Variants in LRP8 observed in about 807,000 individuals in gnomAD.
LRP8 encodes the protein low-density lipoprotein receptor-related protein 8.
LRP8 carries 46 observed loss-of-function variants against 111.6 expected under a neutral mutation model. That is an observed-to-expected ratio of 0.41 (90% CI 0.33 to 0.53). The LOEUF (loss-of-function observed/expected upper bound fraction) is 0.53, where lower values mean the gene tolerates loss of function less well. LRP8 is among the 20% of genes least tolerant of loss of function. The pLI is 0.20. For missense variants in LRP8, 959 were observed against 1,297.4 expected (o/e 0.74, Z 4.01); for synonymous variants, 464 against 511.2 (o/e 0.91, Z 1.24).
At chr1:53,259,790 A>G (rs1382915277) in intron 13 of LRP8, among the ~76,000 whole-genome samples, 11 of 152,118 alleles carry the variant, frequency 7.2e-5, no homozygotes. Flanking sequence ...CAAAGCCCAT[A>G]AGCCCGCGGT....
chr1:53,296,103 C>G (rs908846584), intron 2 of LRP8, among the ~76,000 whole-genome samples: 1 of 152,188 alleles, frequency 6.6e-6, no homozygotes, highest in African/African-American at 2.4e-5. Context: ...TAGAGAAAGG[C>G]CCTGGAAAGA....
At chr1:53,296,190 C>T (rs1311504519) in intron 2 of LRP8, among the ~76,000 whole-genome samples, 1 of 152,194 alleles carries the variant, frequency 6.6e-6, no homozygotes, top group African/African-American at 2.4e-5. Flanking sequence ...TGACTGATCT[C>T]TGGTTTCTGT....
chr1:53,261,009 C>T (rs1376230472), intron 12 of LRP8, among the ~76,000 whole-genome samples: 1 of 152,152 alleles, frequency 6.6e-6, no homozygotes, highest in Non-Finnish European at 1.5e-5. Flanking sequence ...GGTATCCACA[C>T]GAGTCCACAT....
chr1:53,314,820 C>T (rs995311719), intron 2 of LRP8, among the ~76,000 whole-genome samples: 1 of 152,230 alleles, frequency 6.6e-6, no homozygotes, highest in African/African-American at 2.4e-5. Context: ...ATTCACTCAA[C>T]ACCTTCACCA....
rs545178154 is a variant in LRP8 at position 53,243,970 on chromosome 1, G to A, written c.*3048C>T. On this transcript the variant is annotated 3_prime_UTR_variant, in exon 19 of 19. Coordinates refer to ENST00000306052, the MANE Select transcript of LRP8 (RefSeq NM_004631.5). ...GTGCCAGGTGTGTAGTTGGTATCTA[G>A]TGAGTGGTTTTAGTGAATGAATATA... 6.6e-6 allele frequency: 1 copy of A among 152,318 alleles called. No individual in the cohort carries two copies. The allele number at this position is 152,318 out of a possible 1,614,324, so 9.4% of individuals were successfully genotyped here. A position where few individuals can be genotyped will look rare whatever the true frequency, so the allele number is the denominator to read the frequency against.
chr1:53,286,097 A>G (rs1004085135), intron 3 of LRP8, among the ~76,000 whole-genome samples: 7 of 152,352 alleles, frequency 4.6e-5, no homozygotes, highest in African/African-American at 1.2e-4. Context: ...ACGCATCTAC[A>G]GTGTCAACCC....
At position 53,276,732 on chromosome 1, in the gene LRP8, G is replaced by A; in HGVS notation, c.843C>T (p.Gly281=). The change falls in exon 5 of 19, where the codon GGC becomes GGT. Residue 281 remains glycine (G), a synonymous_variant. Coordinates refer to ENST00000306052, the MANE Select transcript of LRP8 (RefSeq NM_004631.5). ...ECVHLGWRCD[G]DRDCKDKSDE... ...CCGATTTGTCTTTGCAGTCGCGGTC[G>A]CCGTCGCAGCGCCAGCCCAGGTGCA... The A allele has an allele frequency of 2.0e-6, 3 of 1,518,876 alleles. No homozygotes were observed. Among genetic ancestry groups the A allele is most frequent in the Admixed American group, 1.9e-5 (1 of 52,214 alleles). 94.1% of individuals were successfully genotyped at this position (1,518,876 alleles called of 1,614,324 possible). A position where few individuals can be genotyped will look rare whatever the true frequency, so the allele number is the denominator to read the frequency against.
intron 10 of LRP8, among the ~76,000 whole-genome samples, chr1:53,263,126 G>T (rs192832373): frequency 6.6e-6 from 1 of 152,322 alleles, no homozygotes; most frequent in Admixed American, 6.5e-5. Flanking sequence ...GTGGATTGGG[G>T]TTGGGCTGGG....
At chr1:53,284,637 G>T (rs1368585009) in intron 3 of LRP8, among the ~76,000 whole-genome samples, 2 of 152,230 alleles carry the variant, frequency 1.3e-5, no homozygotes, top group African/African-American at 4.8e-5. Context: ...TATTTATATA[G>T]TTAATTGCAT....
chr1:53,294,821 T>C lies in LRP8; in HGVS notation c.245-5132A>G, dbSNP rs1557823739. Reference sequence around the variant, plus strand: ...CTTCCCCCGCCTCCAGAGACATCCTTCCCTGAGACAGTATACATCCTTCCC... The same window carrying C: ...CTTCCCCCGCCTCCAGAGACATCCTCCCCTGAGACAGTATACATCCTTCCC... On this transcript the variant is annotated intron_variant, in intron 2 of 18. Transcript: ENST00000306052. The surrounding 1 kb of genome is among the most constrained non-coding windows in gnomAD (Gnocchi z 4.1). 6.6e-6 allele frequency among the ~76,000 whole-genome samples: 1 copy of C among 151,900 alleles called. No individual in the cohort carries two copies. Among genetic ancestry groups the C allele is most frequent in the Non-Finnish European group, 1.5e-5 (1 of 68,020 alleles).
intron 3 of LRP8, among the ~76,000 whole-genome samples, chr1:53,282,250 A>G (rs1013222470): frequency 6.6e-6 from 1 of 152,148 alleles, no homozygotes; most frequent in African/African-American, 2.4e-5. Flanking sequence ...GAGGTCCCCA[A>G]CGTTATCCCT....
Position 53,266,400 on chromosome 1 carries a change from C to T in LRP8, c.1427+73G>A. 2 of 1,515,434 alleles carry T rather than the reference C, an allele frequency of 1.3e-6. No homozygotes were observed. The highest frequency in any genetic ancestry group is 1.7e-5 in the Admixed American group (1 of 58,400). The allele number at this position is 1,515,434 out of a possible 1,614,324, so 93.9% of individuals were successfully genotyped here. A position where few individuals can be genotyped will look rare whatever the true frequency, so the allele number is the denominator to read the frequency against. ...AGGAGCTCTAGAGGCAGACACCACT[C>T]CTCCCCTCCTCACCTGTCACCACCC... On this transcript the variant is annotated intron_variant, in intron 9 of 18. Coordinates refer to ENST00000306052, the MANE Select transcript of LRP8 (RefSeq NM_004631.5). This position sits in a 1 kb window ranked among gnomAD's most constrained non-coding sequence, Gnocchi z 5.0.
At chr1:53,316,294 G>A (rs144976361) in intron 2 of LRP8, among the ~76,000 whole-genome samples, 1 of 152,156 alleles carries the variant, frequency 6.6e-6, no homozygotes, top group Non-Finnish European at 1.5e-5. Flanking sequence ...CCCTACAGTA[G>A]GCAGTAGAGG....
chr1:53,251,049 C>G (rs1350300378), intron 16 of LRP8, among the ~76,000 whole-genome samples, 187 bp from the exon 17 acceptor site: 1 of 152,144 alleles, frequency 6.6e-6, no homozygotes, highest in Non-Finnish European at 1.5e-5. Context: ...ACTATTCATC[C>G]TTCAAGATCC....
rs961748440 is a variant in LRP8, at chr1:53,250,566, G to A, written c.2676+124C>T. 4 of 776,132 alleles carry A rather than the reference G, an allele frequency of 5.2e-6. No individual in the cohort carries two copies. In the African/African-American group the frequency reaches 5.2e-5, roughly 10 times the overall value. The allele number at this position is 776,132 out of a possible 1,614,324, so 48.1% of individuals were successfully genotyped here. ...GGGAAGGACGGAAGGAAAGGAGGGA[G>A]GGAAGGACGGAAGGAAGGAAGGGAG... is the stretch of plus-strand genomic sequence containing the variant. On this transcript the variant is annotated intron_variant, in intron 17 of 18. Transcript: ENST00000306052. This position sits in a 1 kb window ranked among gnomAD's most constrained non-coding sequence, Gnocchi z 4.6.
intron 2 of LRP8, among the ~76,000 whole-genome samples, chr1:53,310,478 A>G (rs1652787415): frequency 6.6e-6 from 1 of 152,226 alleles, no homozygotes; most frequent in Non-Finnish European, 1.5e-5. Context: ...GAATGGAATG[A>G]GATGCTGCCT....
intron 2 of LRP8, among the ~76,000 whole-genome samples, chr1:53,296,279 T>C (rs1649697098): frequency 1.3e-5 from 2 of 152,144 alleles, no homozygotes; most frequent in South Asian, 4.1e-4. Context: ...CAGCTCAACA[T>C]TGTTGTTCAG....
At chr1:53,297,414 T>C (rs542768860) in intron 2 of LRP8, among the ~76,000 whole-genome samples, 2 of 152,292 alleles carry the variant, frequency 1.3e-5, no homozygotes, top group African/African-American at 4.8e-5. Context: ...TCCCACAGTG[T>C]CCTGACAGTA....
At position 53,293,615 on chromosome 1, in the gene LRP8, GA is replaced by G. The variant is rs1478178305; in HGVS notation, c.245-3927del. Among the ~76,000 whole-genome samples the G allele has an allele frequency of 1.1e-4, 17 of 152,346 alleles. No individual in the cohort carries two copies. The highest frequency in any genetic ancestry group is 4.1e-4 in the African/African-American group (17 of 41,576). On this transcript the variant is annotated intron_variant, in intron 2 of 18. Transcript: ENST00000306052. The surrounding 1 kb of genome is among the most constrained non-coding windows in gnomAD (Gnocchi z 4.9). ...AGCCACCTCAGTGTTACCAGGCTAA[GA>G]ATGAGGACCCCAGAGAGTCCTCAAA...
Sources: allele counts gnomAD v4.1 joint callset (sites outside exome capture counted in the v4.1 genomes callset), GRCh38; gene constraint gnomAD v4.1.1; non-coding constraint Gnocchi (gnomAD v3.1); transcripts MANE v1.5; gene names NCBI Gene and HGNC (gene_info 2026-07-23, HGNC 2026-07-21).